Variants in LTBP3 observed in about 807,000 individuals in gnomAD.
LTBP3 encodes the protein latent-transforming growth factor beta-binding protein 3.
A neutral mutation model predicts 159.7 loss-of-function variants in LTBP3; 97 were observed. That is an observed-to-expected ratio of 0.61 (90% CI 0.52 to 0.72). The LOEUF is 0.72. LTBP3 is among the 30% of genes least tolerant of loss of function. The pLI, the probability that LTBP3 is intolerant of heterozygous loss-of-function variation, is 0.00. For synonymous variants in LTBP3, 824 were observed against 777.1 expected, an observed-to-expected ratio of 1.06 and a Z score of -1.00; for missense variants, 1,584 against 1,864.3, an observed-to-expected ratio of 0.85 and a Z score of 2.77.
intron 1 of LTBP3, among the ~76,000 whole-genome samples, chr11:65,555,913 G>A (rs1856793708): frequency 6.6e-6 from 1 of 152,134 alleles, no homozygotes; most frequent in Non-Finnish European, 1.5e-5. Context: ...GCACATCCCA[G>A]CCCAGCCCAT....
At chr11:65,539,482 G>A (rs1323252535) in intron 26 of LTBP3, 23 bp from the exon 27 acceptor site, 5 of 1,584,566 alleles carry the variant, frequency 3.2e-6, no homozygotes, top group Non-Finnish European at 2.6e-6. Context: ...GAACAATATG[G>A]ACTTCAACAC....
chr11:65,540,778 G>C (rs933149139), intron 21 of LTBP3, 93 bp downstream of exon 21: 9 of 1,494,728 alleles, frequency 6.0e-6, no homozygotes, highest in Non-Finnish European at 7.3e-6. Context: ...CTTACCCGGC[G>C]CGGGCAGCTG....
rs1445997583 is a variant in LTBP3, at chr11:65,540,463, G to T, written c.3106+23C>A. The T allele has an allele frequency of 5.6e-6, 9 of 1,612,750 alleles. No homozygotes were observed. In the African/African-American group the frequency reaches 8.0e-5, roughly 14 times the overall value. Reference sequence around the variant, plus strand: ...GCGTGTCTCCCTGCCGCTTCCCCACGGCCGCCGGGGGGCGGAGCTCACCCA... The same window carrying T: ...GCGTGTCTCCCTGCCGCTTCCCCACTGCCGCCGGGGGGCGGAGCTCACCCA... On this transcript the variant is annotated intron_variant, in intron 22 of 27. Transcript: ENST00000301873.
chr11:65,540,609 C>T lies in LTBP3; in HGVS notation c.2983G>A (p.Asp995Asn), dbSNP rs748867386. The T allele has an allele frequency of 3.5e-5, 56 of 1,605,944 alleles. No homozygotes were observed. The Admixed American group carries it at 9.1e-4, about 26-fold the overall frequency. ...NYGIPAHRDI[D>N]ECMLFGSEIC... The stretch of plus-strand genomic sequence containing the variant: ...TCCGACCCGAACAACATGCACTCGT[C>T]GATGTCTGCGGGGTGACAAACACTG... The change falls in exon 22 of 28, where the codon GAC (aspartate) becomes AAC (asparagine). Residue 995 changes from aspartate (D) to asparagine (N), a missense_variant. Transcript: ENST00000301873.
rs375764240 is a variant in LTBP3, at chr11:65,543,560, T to C, written c.2354-11A>G. 4.3e-6 allele frequency: 7 copies of C among 1,613,806 alleles called. No individual in the cohort carries two copies. Among genetic ancestry groups the C allele is most frequent in the East Asian group, 2.2e-5 (1 of 44,894 alleles). ...CACACTCGTCCACATCTGCAGGGCA[T>C]AGGGGGTGTCAGAGGACCAGGCTGG... is the stretch of plus-strand genomic sequence containing the variant. On this transcript the variant is annotated splice_polypyrimidine_tract_variant and intron_variant, in intron 16 of 27. Coordinates refer to ENST00000301873, the MANE Select transcript of LTBP3 (RefSeq NM_001130144.3).
intron 21 of LTBP3, 115 bp from the exon 22 acceptor site, chr11:65,540,729 G>GCCTACAGGAGGGGCGGGA: frequency 6.6e-7 from 1 of 1,520,660 alleles, no homozygotes; most frequent in Non-Finnish European, 9.0e-7. Context: ...GAGGGGCGGG[G>GCCTACAGGAGGGGCGGGA]CCTACAGGGC....
In LTBP3 at chr11:65,546,991, G is replaced by A; in HGVS notation, c.2108-71C>T. On this transcript the variant is annotated intron_variant, in intron 14 of 27. Transcript: ENST00000301873. The surrounding 1 kb of genome is among the most constrained non-coding windows in gnomAD (Gnocchi z 4.0). ...GGTGGCCCGGCTCCCAGCGTCCACAGCAGGGACTTCCTCCCACACAGATCA... is the reference window on the plus strand; with the variant it reads ...GGTGGCCCGGCTCCCAGCGTCCACAACAGGGACTTCCTCCCACACAGATCA... 6.3e-7 allele frequency: 1 copy of A among 1,595,632 alleles called. No individual in the cohort carries two copies. The highest frequency in any genetic ancestry group is 8.5e-7 in the Non-Finnish European group (1 of 1,174,996).
Position 65,558,234 on chromosome 11 carries a change from G to T in LTBP3, c.-275C>A, listed in dbSNP as rs952673197. On this transcript the variant is annotated 5_prime_UTR_variant, in exon 1 of 28. Transcript: ENST00000301873. ...AGCGAGGAGGCCGGAGCAAGTTGAGGCGGAGAGGAGGAGCGAGGGAGAGGA... is the reference window on the plus strand; with the variant it reads ...AGCGAGGAGGCCGGAGCAAGTTGAGTCGGAGAGGAGGAGCGAGGGAGAGGA... 1.9e-6 allele frequency: 2 copies of T among 1,047,106 alleles called. No individual in the cohort carries two copies. Among genetic ancestry groups the T allele is most frequent in the African/African-American group, 1.7e-5 (1 of 59,618 alleles). The allele number at this position is 1,047,106 out of a possible 1,614,324, so 64.9% of individuals were successfully genotyped here. A position where few individuals can be genotyped will look rare whatever the true frequency, so the allele number is the denominator to read the frequency against.
chr11:65,539,140 G>T lies in LTBP3; in HGVS notation c.3852C>A (p.Cys1284Ter). 6.7e-7 allele frequency: 1 copy of T among 1,488,616 alleles called. No homozygotes were observed. Among genetic ancestry groups the T allele is most frequent in the Non-Finnish European group, 9.0e-7 (1 of 1,115,256 alleles). 92.2% of individuals were successfully genotyped at this position (1,488,616 alleles called of 1,614,324 possible). A position where few individuals can be genotyped will look rare whatever the true frequency, so the allele number is the denominator to read the frequency against. The change falls in exon 28 of 28, where the codon TGC becomes TGA. Residue 1284 changes from cysteine (C) to a stop codon, truncating the protein, a stop_gained. Coordinates refer to ENST00000301873, the MANE Select transcript of LTBP3 (RefSeq NM_001130144.3). LOFTEE classifies it high-confidence loss of function. Reference sequence around the variant, plus strand: ...GGCGGCTGCGCGCGAAGCCGGCTTTGCAGACGCAGCGGAAGGAGCCGCTGG... The same window carrying T: ...GGCGGCTGCGCGCGAAGCCGGCTTTTCAGACGCAGCGGAAGGAGCCGCTGG... ...VNTSGSFRCV[C>*]KAGFARSRPH...
chr11:65,551,179 G>T lies in LTBP3; in HGVS notation c.1667C>A (p.Pro556Gln). ...GGCGCTGCGGGAAGGAGGCAAGTCC[G>T]GCAGGAACCAGCGCATGGTCGGGGG... is the stretch of plus-strand genomic sequence containing the variant. The part of the protein sequence containing the change: ...PSPPTMRWFL[P>Q]DLPPSRSAVE... Residue 556 changes from proline (P) to glutamine (Q), a missense_variant, in exon 11 of 28, where the codon CCG (proline) becomes CAG (glutamine). Physicochemically the swap from Pro to Gln is moderately conservative, Grantham distance 76. Coordinates refer to ENST00000301873, the MANE Select transcript of LTBP3 (RefSeq NM_001130144.3). 1 of 1,552,722 alleles carries T rather than the reference G, an allele frequency of 6.4e-7. No individual in the cohort carries two copies. The highest frequency in any genetic ancestry group is 8.7e-7 in the Non-Finnish European group (1 of 1,148,610).
chr11:65,540,631 A>AC lies in LTBP3; in HGVS notation c.2978-18dup. 1 of 1,576,382 alleles carries AC rather than the reference A, an allele frequency of 6.3e-7. No homozygotes were observed. Among genetic ancestry groups the AC allele is most frequent in the Non-Finnish European group, 8.6e-7 (1 of 1,158,620 alleles). The stretch of plus-strand genomic sequence containing the variant: ...CGTCGATGTCTGCGGGGTGACAAAC[A>AC]CTGGCCGCTCCGGTCCCGCAGCTGC... On this transcript the variant is annotated splice_polypyrimidine_tract_variant and intron_variant, in intron 21 of 27. Transcript: ENST00000301873.
Position 65,548,051 on chromosome 11 carries a change from G to A in LTBP3, c.1721-6C>T, listed in dbSNP as rs779222680. On this transcript the variant is annotated splice_polypyrimidine_tract_variant and splice_region_variant and intron_variant, in intron 11 of 27. Transcript: ENST00000301873. ...CAGTCGGCACTCATCAGTCTCTGCG[G>A]GCATGGCCAGGTCAAGCGGCAGAGC... 6.2e-7 allele frequency: 1 copy of A among 1,613,782 alleles called. No individual in the cohort carries two copies. The highest frequency in any genetic ancestry group is 1.1e-5 in the South Asian group (1 of 91,062).
At position 65,547,198 on chromosome 11, in the gene LTBP3, A is replaced by C. The variant is rs1856409109; in HGVS notation, c.2107+241T>G. On this transcript the variant is annotated intron_variant, in intron 14 of 27. Coordinates refer to ENST00000301873, the MANE Select transcript of LTBP3 (RefSeq NM_001130144.3). This position sits in a 1 kb window ranked among gnomAD's most constrained non-coding sequence, Gnocchi z 4.6. Reference sequence around the variant, plus strand: ...CCCCGTCTCTACTAAAAATACAAAAATTAGGCGTGGTGGCAGGCGCCCGTA... The same window carrying C: ...CCCCGTCTCTACTAAAAATACAAAACTTAGGCGTGGTGGCAGGCGCCCGTA... 6.6e-6 allele frequency among the ~76,000 whole-genome samples: 1 copy of C among 152,128 alleles called. No individual in the cohort carries two copies.
chr11:65,539,814 G>T lies in LTBP3; in HGVS notation c.3453C>A (p.Pro1151=). 6.5e-7 allele frequency: 1 copy of T among 1,534,214 alleles called. No individual in the cohort carries two copies. The highest frequency in any genetic ancestry group is 2.4e-5 in the East Asian group (1 of 40,852). Residue 1151 remains proline (P), a synonymous_variant, in exon 25 of 28, where the codon CCC becomes CCA. Coordinates refer to ENST00000301873, the MANE Select transcript of LTBP3 (RefSeq NM_001130144.3). The part of the protein sequence containing the change: ...QRGEDGMCAG[P]LAGPALTFDD... The stretch of plus-strand genomic sequence containing the variant: ...CGAAGGTGAGGGCAGGCCCGGCCAG[G>T]GGGCCAGCGCACATGCCGTCCTCTC...
In LTBP3 at chr11:65,539,789, C is replaced by T. The variant is rs762718826; in HGVS notation, c.3478G>A (p.Asp1160Asn). The change falls in exon 25 of 28, where the codon GAC (aspartate) becomes AAC (asparagine). Residue 1160 changes from aspartate (D) to asparagine (N), a missense_variant. Physicochemically the swap from Asp to Asn is conservative, Grantham distance 23. Around this residue, in one of 6 missense-constraint regions of LTBP3, gnomAD observed 514 missense variants for 530.3 expected, o/e 0.97. Transcript: ENST00000301873. ...CGGCCCTGGCGGCAGCAGCAGTCGTCGAAGGTGAGGGCAGGCCCGGCCAGG... is the reference window on the plus strand; with the variant it reads ...CGGCCCTGGCGGCAGCAGCAGTCGTTGAAGGTGAGGGCAGGCCCGGCCAGG... ...GPLAGPALTF[D>N]DCCCRQGRGW... The T allele has an allele frequency of 2.4e-5, 37 of 1,545,222 alleles. No individual in the cohort carries two copies. Among genetic ancestry groups the T allele is most frequent in the Non-Finnish European group, 7.8e-6 (9 of 1,152,848 alleles).
rs903394719 is a variant in LTBP3, at chr11:65,553,764, G to T, written c.801C>A (p.His267Gln). ...QHLLPHPKPS[H>Q]PRPPTQKPLG... ...GGGGCTTCTGGGTGGGCGGCCGGGG[G>T]TGCGAGGGCTTGGGGTGCGGCAGCA... The change falls in exon 3 of 28, where the codon CAC (histidine) becomes CAA (glutamine). Residue 267 changes from histidine to glutamine, a missense_variant. Around this residue, in one of 6 missense-constraint regions of LTBP3, gnomAD observed 194 missense variants for 198.7 expected, o/e 0.98. Transcript: ENST00000301873. This position sits in a 1 kb window ranked among gnomAD's most constrained non-coding sequence, Gnocchi z 6.5. 8 of 1,573,232 alleles carry T rather than the reference G, an allele frequency of 5.1e-6. No homozygotes were observed. Among genetic ancestry groups the T allele is most frequent in the Non-Finnish European group, 6.9e-6 (8 of 1,167,512 alleles).
In LTBP3 at chr11:65,546,446, G is replaced by A. The variant is rs1305801452; in HGVS notation, c.2349C>T (p.Cys783=). ...GYAPAPDGRS[C]LDVDECEAGD... is the part of the protein sequence containing the mutation. ...GGCGGGGGTGCTGGCGCTCACCCAA[G>A]CAACTGCGGCCGTCGGGCGCGGGCG... Residue 783 remains cysteine, a synonymous_variant, in exon 16 of 28, where the codon TGC becomes TGT. Transcript: ENST00000301873. The surrounding 1 kb of genome is among the most constrained non-coding windows in gnomAD (Gnocchi z 4.0). 13 of 1,560,614 alleles carry A rather than the reference G, an allele frequency of 8.3e-6. No homozygotes were observed. The South Asian group carries it at 1.4e-4, about 17-fold the overall frequency.
chr11:65,551,511 G>A lies in LTBP3; in HGVS notation c.1548+37C>T, dbSNP rs1455592096. 3.7e-6 allele frequency: 6 copies of A among 1,613,994 alleles called. No individual in the cohort carries two copies. The highest frequency in any genetic ancestry group is 2.7e-5 in the African/African-American group (2 of 74,978). ...AGCAGCATGAGCCCTCCTGTCCCTC[G>A]CCTGCCCACCCCTCCCATCTGGGTT... On this transcript the variant is annotated intron_variant, in intron 9 of 27. Transcript: ENST00000301873.
At position 65,543,122 on chromosome 11, in the gene LTBP3, C is replaced by T; in HGVS notation, c.2579G>A (p.Gly860Asp). Residue 860 changes from glycine (G) to aspartate (D), a missense_variant, in exon 18 of 28, where the codon GGT (glycine) becomes GAT (aspartate). Around this residue, in one of 6 missense-constraint regions of LTBP3, gnomAD observed 565 missense variants for 677.7 expected, o/e 0.83. Transcript: ENST00000301873. Reference sequence around the variant, plus strand: ...CCCCATACCTTGGCATTTCCTGCCACCCACCAGCCGATGCCCCTGGGGGCA... The same window carrying T: ...CCCCATACCTTGGCATTTCCTGCCATCCACCAGCCGATGCCCCTGGGGGCA... ...CLCPQGHRLV[G>D]GRKCQDIDEC... 1.9e-6 allele frequency: 3 copies of T among 1,614,080 alleles called. No individual in the cohort carries two copies. Among genetic ancestry groups the T allele is most frequent in the Non-Finnish European group, 2.5e-6 (3 of 1,179,992 alleles).
Sources: gnomAD v4.1 joint callset for allele counts (sites outside exome capture counted in the v4.1 genomes callset) on GRCh38, gnomAD v4.1.1 for gene constraint, gnomAD v4.1.1 regional missense constraint, Gnocchi (gnomAD v3.1) non-coding constraint, MANE v1.5 for transcripts, NCBI Gene and HGNC (gene_info 2026-07-23, HGNC 2026-07-21) for gene names.